GLB1: variants seen among roughly 807,000 people sequenced by gnomAD.
The protein encoded by GLB1 is beta-galactosidase.
In GLB1, 56 loss-of-function variants were observed where a neutral mutation model predicts 74.0. That is an observed-to-expected ratio of 0.76 (90% confidence interval 0.61 to 0.94). GLB1 has a LOEUF of 0.94. Ranked by LOEUF, GLB1 falls within the 40% of genes least tolerant of loss-of-function variation. GLB1 has a pLI of 0.00. For missense variants in GLB1, 787 were observed against 845.5 expected, an observed-to-expected ratio of 0.93 and a Z score of 0.86; for synonymous variants, 323 against 323.6, an observed-to-expected ratio of 1.00 and a Z score of 0.02.
intron 1 of GLB1, chr3:33,090,662 A>C (rs1279706689): frequency 2.0e-6 from 2 of 985,360 alleles, no homozygotes; most frequent in Non-Finnish European, 2.4e-6. Context: ...AAGGGACTAA[A>C]GGTGTCATGG....
intron 1 of GLB1, among the ~76,000 whole-genome samples, chr3:33,083,397 CAAA>C (rs60737086): frequency 0.02 from 2,121 of 104,164 alleles, 39 homozygotes; most frequent in African/African-American, 0.07. Flanking sequence ...AACTCTGTCT[CAAA>C]AAAAAAAAAA....
At chr3:33,073,973 G>A (rs1033396756) in intron 1 of GLB1, among the ~76,000 whole-genome samples, 2 of 149,704 alleles carry the variant, frequency 1.3e-5, no homozygotes, top group Non-Finnish European at 3.0e-5. Context: ...GCAGTGAACC[G>A]TGTTCATGCC....
chr3:32,980,952 A>G, the GLB1 span, among the ~76,000 whole-genome samples: 2 of 151,806 alleles, frequency 1.3e-5, no homozygotes, highest in Non-Finnish European at 2.9e-5. Context: ...TTAGCTGGGC[A>G]TGCTGGTACA....
the GLB1 span, among the ~76,000 whole-genome samples, chr3:32,975,104 C>T: frequency 0.019 from 2,869 of 152,094 alleles, 207 homozygotes; most frequent in East Asian, 0.25. Flanking sequence ...ATTTTTGAGA[C>T]GGGGTCTCAC....
chr3:33,025,617 G>A (rs1469373245), intron 10 of GLB1, among the ~76,000 whole-genome samples: 1 of 150,672 alleles, frequency 6.6e-6, no homozygotes, highest in Non-Finnish European at 1.5e-5. Flanking sequence ...GAAGGAGGTC[G>A]TGGGCCGTGG....
intron 1 of GLB1, chr3:33,096,617 G>A: frequency 1.9e-6 from 2 of 1,063,834 alleles, no homozygotes; most frequent in Non-Finnish European, 2.3e-6. Context: ...AGCACCAACT[G>A]GGAAAGCGAG....
intron 7 of GLB1, among the ~76,000 whole-genome samples, chr3:33,052,984 G>A (rs377453449): frequency 1.5e-3 from 228 of 152,304 alleles, no homozygotes; most frequent in African/African-American, 5.1e-3. Context: ...CAGAGAAGGC[G>A]CAGGATATTA....
At chr3:33,023,510 C>G (rs77630772) in intron 11 of GLB1, among the ~76,000 whole-genome samples, 27 of 151,202 alleles carry the variant, frequency 1.8e-4, no homozygotes, top group Non-Finnish European at 2.8e-4. Context: ...TAAAAACTTA[C>G]GATACTATTT....
intron 1 of GLB1, among the ~76,000 whole-genome samples, chr3:33,075,837 C>G (rs927625666): frequency 6.6e-6 from 1 of 151,922 alleles, no homozygotes; most frequent in Non-Finnish European, 1.5e-5. Context: ...GTCGGGAGAT[C>G]GAGACCATCC....
intron 10 of GLB1, among the ~76,000 whole-genome samples, chr3:33,032,470 TCTAA>T (rs966683267): frequency 4.6e-5 from 7 of 152,192 alleles, no homozygotes; most frequent in East Asian, 3.8e-4. Context: ...CACCTAGTTA[TCTAA>T]CTAAGGTTTT....
intron 1 of GLB1, among the ~76,000 whole-genome samples, chr3:33,088,975 C>G (rs1467657578): frequency 6.6e-6 from 1 of 152,128 alleles, no homozygotes; most frequent in Non-Finnish European, 1.5e-5. Context: ...GAAACAAACT[C>G]TTGTGTATAT....
At chr3:33,015,494 T>C (rs991352033) in intron 14 of GLB1, among the ~76,000 whole-genome samples, 2 of 152,204 alleles carry the variant, frequency 1.3e-5, no homozygotes, top group African/African-American at 4.8e-5. Flanking sequence ...CTGGCTTGTA[T>C]GTAGGGAACT....
At chr3:32,998,545 A>G (rs1294595167) in intron 15 of GLB1, among the ~76,000 whole-genome samples, 1 of 152,094 alleles carries the variant, frequency 6.6e-6, no homozygotes, top group East Asian at 1.9e-4. Flanking sequence ...CTCAAAGCTC[A>G]AAGGCTAGGA....
In GLB1 at chr3:33,061,181, C is replaced by T. The variant is rs993726448; in HGVS notation, c.553-2912G>A. Among the ~76,000 whole-genome samples, 10 of 152,072 alleles carry T rather than the reference C, an allele frequency of 6.6e-5. No homozygotes were observed. The East Asian group carries it at 1.5e-3, about 23-fold the overall frequency. The stretch of plus-strand genomic sequence containing the variant: ...ATCCTAGTACTTTGGGAGGCTGAGG[C>T]GGGTGGATCACTTGAGGTCAGGAGT... On this transcript the variant is annotated intron_variant, in intron 5 of 15. Coordinates refer to ENST00000307363, the MANE Select transcript of GLB1 (RefSeq NM_000404.4).
chr3:32,963,971 C>T, the GLB1 span, among the ~76,000 whole-genome samples: 96 of 152,136 alleles, frequency 6.3e-4, 1 homozygote, highest in Admixed American at 4.5e-3. Context: ...CTTGAGCATG[C>T]GGATGTCATC....
intron 11 of GLB1, 31 bp from the exon 12 acceptor site, chr3:33,021,686 CTG>C: frequency 6.2e-7 from 1 of 1,605,016 alleles, no homozygotes; most frequent in African/African-American, 1.3e-5. Flanking sequence ...CATTCACACA[CTG>C]CACCCCTCAC....
chr3:33,061,118 A>G (rs1393472170), intron 5 of GLB1, among the ~76,000 whole-genome samples: 1 of 152,194 alleles, frequency 6.6e-6, no homozygotes, highest in Non-Finnish European at 1.5e-5. Context: ...AACTTTTTGA[A>G]TAAAACACCA....
Position 33,018,522 on chromosome 3 carries a change from C to G in GLB1, c.1273G>C (p.Asp425His), listed in dbSNP as rs750116123. 1.9e-6 allele frequency: 3 copies of G among 1,613,870 alleles called. No homozygotes were observed. Among genetic ancestry groups the G allele is most frequent in the African/African-American group, 2.7e-5 (2 of 74,850 alleles). ...FVLYRTTLPQDCSNPAPLSSP... is the reference protein window; with the variant it reads ...FVLYRTTLPQHCSNPAPLSSP... ...GAGAGAGGTGCTGGGTTGCTGCAAT[C>G]TTGAGGAAGTGTTGTCCGGTACAGC... Residue 425 changes from aspartate (D) to histidine (H), a missense_variant, in exon 13 of 16, where the codon GAT becomes CAT. Transcript: ENST00000307363.
the GLB1 span, among the ~76,000 whole-genome samples, chr3:32,962,094 C>G: frequency 1.5e-3 from 227 of 151,344 alleles, 2 homozygotes; most frequent in Middle Eastern, 0.01. Context: ...CTTAGGAGGC[C>G]AAGGTAGGAG....
Sources: allele counts gnomAD v4.1 joint callset (sites outside exome capture counted in the v4.1 genomes callset), GRCh38; gene constraint gnomAD v4.1.1; transcripts MANE v1.5; gene names NCBI Gene and HGNC (gene_info 2026-07-23, HGNC 2026-07-21).